The following NRAP variants were observed in gnomAD, a reference collection of about 807,000 sequenced individuals.
NRAP encodes the protein nebulin related anchoring protein, also known as nebulin-related-anchoring protein.
Under a neutral mutation model 225.9 loss-of-function variants are expected in NRAP, and 189 were observed. The observed-to-expected ratio is 0.84, with a 90% CI of 0.74 to 0.94. The LOEUF (loss-of-function observed/expected upper bound fraction) is 0.94, where lower values mean the gene tolerates loss of function less well. Among genes scored for constraint, NRAP ranks in the 40% least tolerant of loss-of-function variants. The probability of loss-of-function intolerance (pLI) is 0.00; values close to 1 mark genes in which losing one functional copy is unlikely to be tolerated. For synonymous variants in NRAP, 769 were observed against 790.7 expected (o/e 0.97, Z 0.46); for missense variants, 2,176 against 2,168.7 (o/e 1.00, Z -0.07).
At chr10:113,614,335 G>A (rs1195084859) in intron 28 of NRAP, 39 bp from the exon 29 acceptor site, 1 of 1,338,126 alleles carries the variant, frequency 7.5e-7, no homozygotes, top group South Asian at 1.2e-5. Flanking sequence ...ACAGCTCAGG[G>A]ATAAGGGACA....
Position 113,589,006 on chromosome 10 carries a change from T to G in NRAP, c.5162A>C (p.His1721Pro), listed in dbSNP as rs1448633595. The G allele has an allele frequency of 6.2e-7, 1 of 1,613,912 alleles. No individual in the cohort carries two copies. The highest frequency in any genetic ancestry group is 1.7e-5 in the Admixed American group (1 of 59,996). The change falls in exon 42 of 42, where the codon CAC (histidine) becomes CCC (proline). Residue 1721 changes from histidine to proline, a missense_variant. Around this residue, in one of 3 missense-constraint regions of NRAP, gnomAD observed 445 missense variants for 426.1 expected, o/e 1.04. Transcript: ENST00000359988. ...CAGCAGGGCCTTCTTCTTTTTGACG[T>G]GCAGAATCTCAGTGGCATCTGGGTT... ...EVNPDATEILHVKKKKALLL is the reference protein window; with the variant it reads ...EVNPDATEILPVKKKKALLL
At chr10:113,637,116 GT>G (rs1364938869) in intron 14 of NRAP, among the ~76,000 whole-genome samples, 4 of 152,040 alleles carry the variant, frequency 2.6e-5, no homozygotes, top group Non-Finnish European at 5.9e-5. Flanking sequence ...CTGAGTCTGG[GT>G]CTTGTATTCA....
chr10:113,628,379 G>A (rs7475959), intron 20 of NRAP, among the ~76,000 whole-genome samples: 13,605 of 151,948 alleles, frequency 0.09, 701 homozygotes, highest in South Asian at 0.17. Context: ...TAGTAGAGAC[G>A]GGGTTTCACC....
Position 113,621,929 on chromosome 10 carries a change from C to T in NRAP, c.2709G>A (p.Thr903=), listed in dbSNP as rs374060010. 3.2e-5 allele frequency: 51 copies of T among 1,614,012 alleles called. No individual in the cohort carries two copies. Among genetic ancestry groups the T allele is most frequent in the Admixed American group, 1.3e-4 (8 of 60,002 alleles). Residue 903 remains threonine (T), a synonymous_variant, in exon 24 of 42, where the codon ACG becomes ACA. Coordinates refer to ENST00000359988, the MANE Select transcript of NRAP (RefSeq NM_198060.4). ...VGYKTAEHHF[T]ALPTDMKVEW... is the part of the protein sequence containing the mutation. ...CCACCTTCATGTCTGTGGGCAAAGCCGTAAAGTGATGTTCCGCTGTCTTGT... is the reference window on the plus strand; with the variant it reads ...CCACCTTCATGTCTGTGGGCAAAGCTGTAAAGTGATGTTCCGCTGTCTTGT...
At chr10:113,625,270 G>A (rs903970306) in intron 21 of NRAP, among the ~76,000 whole-genome samples, 9 of 152,194 alleles carry the variant, frequency 5.9e-5, no homozygotes, top group African/African-American at 1.9e-4. Flanking sequence ...CCACCAGGGG[G>A]TTCAGATTAG....
intron 38 of NRAP, among the ~76,000 whole-genome samples, chr10:113,592,569 C>T (rs930758322): frequency 2.0e-5 from 3 of 152,032 alleles, no homozygotes; most frequent in African/African-American, 4.8e-5. Flanking sequence ...TTTGCGACAC[C>T]CACTTGGTAT....
At chr10:113,663,700 C>A in intron 1 of NRAP, 111 bp downstream of exon 1, 2 of 828,624 alleles carry the variant, frequency 2.4e-6, no homozygotes, top group South Asian at 1.5e-5. Flanking sequence ...TCTTGTGGTT[C>A]AAAACAATTT....
At chr10:113,651,140 G>A (rs141646332) in intron 7 of NRAP, among the ~76,000 whole-genome samples, 69 of 152,320 alleles carry the variant, frequency 4.5e-4, no homozygotes, top group African/African-American at 1.6e-3. Flanking sequence ...TTAAAGAAGT[G>A]TTTTTGCAAG....
At chr10:113,629,091 T>A (rs1309770798) in intron 19 of NRAP, 70 bp from the exon 20 acceptor site, 1 of 1,095,728 alleles carries the variant, frequency 9.1e-7, no homozygotes, top group East Asian at 2.4e-5. Context: ...GATGGGAGAG[T>A]TAAGAAGATC....
chr10:113,619,801 G>T (rs114901546), intron 25 of NRAP, among the ~76,000 whole-genome samples: 4 of 152,094 alleles, frequency 2.6e-5, no homozygotes, highest in African/African-American at 4.8e-5. Context: ...TAAAGAGCAC[G>T]GGTGTGAGTG....
At chr10:113,653,918 T>C in intron 5 of NRAP, 103 bp downstream of exon 5, 1 of 769,494 alleles carries the variant, frequency 1.3e-6, no homozygotes, top group Non-Finnish European at 2.4e-6. Context: ...TTGGGGATGA[T>C]AGCATCATTC....
At chr10:113,607,507 G>A (rs1410465190) in intron 32 of NRAP, among the ~76,000 whole-genome samples, 1 of 151,208 alleles carries the variant, frequency 6.6e-6, no homozygotes. Flanking sequence ...TAACGCCAGA[G>A]GCCATCAGAG....
chr10:113,607,951 A>G (rs1417439863), intron 32 of NRAP, among the ~76,000 whole-genome samples: 1 of 152,244 alleles, frequency 6.6e-6, no homozygotes, highest in African/African-American at 2.4e-5. Context: ...GAGAAGCCTG[A>G]CAAACATCTT....
chr10:113,645,366 T>C (rs1361592848), intron 11 of NRAP, among the ~76,000 whole-genome samples: 1 of 152,198 alleles, frequency 6.6e-6, no homozygotes, highest in Non-Finnish European at 1.5e-5. Flanking sequence ...GCATATCTGT[T>C]CTTTGAAACC....
intron 14 of NRAP, 35 bp downstream of exon 14, chr10:113,640,192 G>T (rs966476067): frequency 1.6e-6 from 2 of 1,261,134 alleles, no homozygotes; most frequent in Non-Finnish European, 2.3e-6. Flanking sequence ...AGCGACAAGT[G>T]ACAAAGCAGA....
chr10:113,640,400 C>T (rs1484724561), intron 13 of NRAP, 69 bp from the exon 14 acceptor site: 5 of 850,398 alleles, frequency 5.9e-6, no homozygotes, highest in South Asian at 1.7e-5. Context: ...TGTTTGAATG[C>T]CATAAGAAAT....
At chr10:113,613,746 G>A (rs1797846160) in intron 29 of NRAP, among the ~76,000 whole-genome samples, 1 of 152,202 alleles carries the variant, frequency 6.6e-6, no homozygotes, top group South Asian at 2.1e-4. Context: ...AAATGGAGCT[G>A]TTGGTCAGGA....
chr10:113,621,434 C>T (rs898316032), intron 24 of NRAP, among the ~76,000 whole-genome samples: 10 of 151,958 alleles, frequency 6.6e-5, no homozygotes, highest in Admixed American at 1.3e-4. Context: ...GAAAGTAGAA[C>T]TGGGAGGGGA....
At chr10:113,617,106 C>G (rs1354343885) in intron 26 of NRAP, among the ~76,000 whole-genome samples, 2 of 152,110 alleles carry the variant, frequency 1.3e-5, no homozygotes, top group Admixed American at 6.5e-5. Context: ...GTCAGGATTC[C>G]AATTACCAAG....
Sources: gnomAD v4.1 joint callset for allele counts (sites outside exome capture counted in the v4.1 genomes callset) on GRCh38, gnomAD v4.1.1 for gene constraint, gnomAD v4.1.1 regional missense constraint, MANE v1.5 for transcripts, NCBI Gene and HGNC (gene_info 2026-07-23, HGNC 2026-07-21) for gene names.